The following PEX5L variants were observed in gnomAD, a reference collection of about 807,000 sequenced individuals.
PEX5L encodes PEX5-related protein.
A neutral mutation model predicts 84.0 loss-of-function variants in PEX5L; 30 were observed. The observed-to-expected ratio is 0.36, with a 90% confidence interval of 0.27 to 0.48. The LOEUF (loss-of-function observed/expected upper bound fraction) is 0.48, where lower values mean the gene tolerates loss of function less well. Ranked by LOEUF, PEX5L falls within the 20% of genes least tolerant of loss-of-function variation. PEX5L has a pLI of 0.99. For synonymous variants in PEX5L, 270 were observed against 283.1 expected, an observed-to-expected ratio of 0.95 and a Z score of 0.46; for missense variants, 533 against 754.6, an observed-to-expected ratio of 0.71 and a Z score of 3.44.
intron 2 of PEX5L, among the ~76,000 whole-genome samples, chr3:179,968,401 C>A (rs1783894413): frequency 1.3e-5 from 2 of 152,010 alleles, no homozygotes; most frequent in South Asian, 4.1e-4. Context: ...TACATGAAAC[C>A]TAAACAAGAC....
intron 7 of PEX5L, among the ~76,000 whole-genome samples, chr3:179,868,223 G>C (rs937511175): frequency 3.3e-5 from 5 of 151,374 alleles, no homozygotes; most frequent in Non-Finnish European, 5.9e-5. Context: ...TTTGAGTCCT[G>C]GATCCTTTCC....
chr3:179,902,032 T>C (rs1161018911), intron 2 of PEX5L: 1 of 152,302 alleles, frequency 6.6e-6, no homozygotes, highest in African/African-American at 2.4e-5. Context: ...TTGGATCTGT[T>C]TCACAGGGAA....
intron 3 of PEX5L, chr3:179,888,158 T>G: frequency 1.6e-6 from 2 of 1,290,296 alleles, no homozygotes. Flanking sequence ...ACCAGTGGCT[T>G]CAGACTCAAA....
intron 2 of PEX5L, among the ~76,000 whole-genome samples, chr3:179,917,527 A>G (rs1281403916): frequency 2.0e-5 from 3 of 152,212 alleles, no homozygotes; most frequent in African/African-American, 7.2e-5. Context: ...ATCACCACAG[A>G]CAAGGGAGTA....
intron 1 of PEX5L, chr3:179,973,138 A>C: frequency 8.1e-7 from 1 of 1,235,986 alleles, no homozygotes; most frequent in Non-Finnish European, 1.0e-6. Context: ...TGCCTTTCCA[A>C]ATATTGATCT....
In PEX5L at chr3:179,936,682, A is replaced by T. The variant is rs1203320798; in HGVS notation, c.93+34912T>A. Among the ~76,000 whole-genome samples the T allele has an allele frequency of 1.9e-5, 2 of 103,506 alleles. 1 individual carries two copies. The highest frequency in any genetic ancestry group is 4.2e-5 in the Non-Finnish European group (2 of 48,048). The allele number at this position is 103,506 out of a possible 152,430, so 67.9% of individuals were successfully genotyped here. A position where few individuals can be genotyped will look rare whatever the true frequency, so the allele number is the denominator to read the frequency against. On this transcript the variant is annotated intron_variant, in intron 2 of 14. Coordinates refer to ENST00000467460, the MANE Select transcript of PEX5L (RefSeq NM_016559.3). ...AATTATGTGTAGGTACCCTAGAGAC[A>T]AGGGACAGGGTGCCATGTACCTCTC...
intron 2 of PEX5L, chr3:179,902,761 A>C (rs534556967): frequency 4.6e-5 from 19 of 410,594 alleles, no homozygotes; most frequent in South Asian, 2.7e-4. Flanking sequence ...TACTGCTACC[A>C]AGGAATTTGT....
intron 2 of PEX5L, among the ~76,000 whole-genome samples, chr3:179,955,776 CTTA>C (rs1342509068): frequency 6.6e-6 from 1 of 151,828 alleles, no homozygotes; most frequent in Non-Finnish European, 1.5e-5. Flanking sequence ...TCACTTTTTT[CTTA>C]TTACGATTAG....
rs1473466137 is a variant in PEX5L at position 179,796,719 on chromosome 3, GGGGTTAT to G, written c.*5102_*5108del. ...CCCTTTCTGGTCTCCTCATAAAATA[GGGGTTAT>G]GGGAAAAGGCAGTGAGAAGATTTCA... On this transcript the variant is annotated 3_prime_UTR_variant, in exon 15 of 15. Transcript: ENST00000467460. 6 of 152,112 alleles carry G rather than the reference GGGGTTAT, an allele frequency of 3.9e-5. No homozygotes were observed. The allele number at this position is 152,112 out of a possible 1,614,324, so 9.4% of individuals were successfully genotyped here. A position where few individuals can be genotyped will look rare whatever the true frequency, so the allele number is the denominator to read the frequency against.
At chr3:179,984,620 G>A (rs1786633576) in intron 1 of PEX5L, among the ~76,000 whole-genome samples, 1 of 152,076 alleles carries the variant, frequency 6.6e-6, no homozygotes, top group Non-Finnish European at 1.5e-5. Context: ...TTCTGAGTTG[G>A]TAGAAAAATT....
At chr3:179,853,490 G>T (rs752109581) in intron 8 of PEX5L, among the ~76,000 whole-genome samples, 5 of 152,070 alleles carry the variant, frequency 3.3e-5, no homozygotes, top group Non-Finnish European at 7.4e-5. Flanking sequence ...TCCACTCCTG[G>T]GAGGCAGCTT....
chr3:179,963,229 C>T (rs979350348), intron 2 of PEX5L, among the ~76,000 whole-genome samples: 1 of 88,450 alleles, frequency 1.1e-5, no homozygotes, highest in African/African-American at 4.2e-5. Context: ...ATGCTAGAAC[C>T]TTGTTTACTC....
intron 8 of PEX5L, among the ~76,000 whole-genome samples, chr3:179,844,594 C>T (rs779683916): frequency 1.2e-4 from 18 of 152,058 alleles, no homozygotes; most frequent in Non-Finnish European, 2.6e-4. Flanking sequence ...TTTGGGAGGC[C>T]GAGGCGGGCG....
intron 2 of PEX5L, among the ~76,000 whole-genome samples, chr3:179,937,881 C>T (rs1176567075): frequency 1.3e-5 from 2 of 152,134 alleles, no homozygotes; most frequent in Non-Finnish European, 2.9e-5. Flanking sequence ...CTCTGGGCTT[C>T]AGTTTCCTCA....
intron 9 of PEX5L, among the ~76,000 whole-genome samples, chr3:179,819,261 A>T (rs973871980): frequency 3.3e-5 from 5 of 152,026 alleles, no homozygotes; most frequent in African/African-American, 1.2e-4. Flanking sequence ...TAAATCCTAG[A>T]GCAACTGGGA....
intron 1 of PEX5L, among the ~76,000 whole-genome samples, chr3:179,979,593 G>C (rs1786123233): frequency 6.6e-6 from 1 of 152,158 alleles, no homozygotes; most frequent in Non-Finnish European, 1.5e-5. Context: ...AGATGGTGCA[G>C]AGTCTAAGAG....
chr3:179,826,432 G>A (rs376651904), intron 8 of PEX5L, among the ~76,000 whole-genome samples: 20 of 152,164 alleles, frequency 1.3e-4, no homozygotes, highest in East Asian at 9.6e-4. Flanking sequence ...GGCTCCTGTG[G>A]TATTTGCCTT....
At chr3:179,973,399 G>T in intron 1 of PEX5L, 1 of 1,102,764 alleles carries the variant, frequency 9.1e-7, no homozygotes, top group Non-Finnish European at 1.1e-6. Context: ...TAAACATTGT[G>T]AAATTTTTGG....
At chr3:180,000,815 G>A (rs568257061) in intron 1 of PEX5L, among the ~76,000 whole-genome samples, 8 of 152,264 alleles carry the variant, frequency 5.3e-5, no homozygotes, top group South Asian at 4.1e-4. Flanking sequence ...CTGGTTGTAC[G>A]AGGATAGTTG....
Sources: allele counts gnomAD v4.1 joint callset (sites outside exome capture counted in the v4.1 genomes callset), GRCh38; gene constraint gnomAD v4.1.1; transcripts MANE v1.5; gene names NCBI Gene and HGNC (gene_info 2026-07-23, HGNC 2026-07-21).